The following DSCAM variants were observed in gnomAD, a reference collection of about 807,000 sequenced individuals.
DSCAM encodes the protein DS cell adhesion molecule.
A neutral mutation model predicts 217.7 loss-of-function variants in DSCAM; 47 were observed. The observed-to-expected ratio is 0.22, with a 90% confidence interval of 0.17 to 0.28. The LOEUF is 0.28. DSCAM is among the 10% of genes least tolerant of loss of function. The probability of loss-of-function intolerance (pLI) is 1.00; values close to 1 mark genes in which losing one functional copy is unlikely to be tolerated. For missense variants in DSCAM, 2,080 were observed against 2,618.3 expected, an observed-to-expected ratio of 0.79 and a Z score of 4.49; for synonymous variants, 1,056 against 1,015.3, an observed-to-expected ratio of 1.04 and a Z score of -0.76.
chr21:40,503,969 C>T (rs546294292), intron 3 of DSCAM, among the ~76,000 whole-genome samples: 1 of 152,312 alleles, frequency 6.6e-6, no homozygotes, highest in South Asian at 2.1e-4. Flanking sequence ...TGGAACCTCT[C>T]TTCCAGGCTT....
chr21:40,405,826 G>A (rs141056146), intron 3 of DSCAM, among the ~76,000 whole-genome samples: 31 of 152,128 alleles, frequency 2.0e-4, no homozygotes, highest in African/African-American at 7.0e-4. Flanking sequence ...GCGAAACCCC[G>A]TCTCTACTAA....
intron 30 of DSCAM, among the ~76,000 whole-genome samples, chr21:40,048,933 T>A (rs2088885007): frequency 1.3e-5 from 2 of 152,078 alleles, no homozygotes; most frequent in African/African-American, 4.8e-5. Flanking sequence ...CGGAGTGTTG[T>A]CAGTCCCTCA....
chr21:40,679,859 T>C (rs1188176064), intron 3 of DSCAM, among the ~76,000 whole-genome samples: 1 of 152,370 alleles, frequency 6.6e-6, no homozygotes, highest in African/African-American at 2.4e-5. Flanking sequence ...TTCTTCAGCA[T>C]ACCTTGCATT....
At chr21:40,160,454 A>C (rs925371002) in intron 16 of DSCAM, among the ~76,000 whole-genome samples, 1 of 152,204 alleles carries the variant, frequency 6.6e-6, no homozygotes, top group East Asian at 1.9e-4. Flanking sequence ...TTCAGTTTTC[A>C]CTATGAATAT....
At chr21:40,828,067 G>C (rs1017021069) in intron 1 of DSCAM, among the ~76,000 whole-genome samples, 3 of 152,106 alleles carry the variant, frequency 2.0e-5, no homozygotes, top group African/African-American at 7.2e-5. Context: ...ACAGAATGTT[G>C]ATATGCTGAG....
intron 3 of DSCAM, among the ~76,000 whole-genome samples, chr21:40,590,291 C>G (rs1049343990): frequency 1.3e-5 from 2 of 152,210 alleles, no homozygotes; most frequent in Admixed American, 1.3e-4. Context: ...CGAATATCCC[C>G]TATTTAGTGC....
At chr21:40,722,251 GC>G (rs1201934598) in intron 1 of DSCAM, among the ~76,000 whole-genome samples, 1 of 152,072 alleles carries the variant, frequency 6.6e-6, no homozygotes, top group African/African-American at 2.4e-5. Context: ...AAAATGTTAA[GC>G]ATGTGGGTGA....
intron 32 of DSCAM, among the ~76,000 whole-genome samples, chr21:40,014,676 G>A (rs1369707650): frequency 6.6e-6 from 1 of 152,082 alleles, no homozygotes; most frequent in Non-Finnish European, 1.5e-5. Context: ...CACAGGTGTC[G>A]GACCTCTGTT....
At chr21:40,582,006 A>C (rs1418204269) in intron 3 of DSCAM, among the ~76,000 whole-genome samples, 1 of 152,208 alleles carries the variant, frequency 6.6e-6, no homozygotes, top group Non-Finnish European at 1.5e-5. Flanking sequence ...GGAGATTAGC[A>C]AATACTAGTG....
intron 11 of DSCAM, among the ~76,000 whole-genome samples, chr21:40,219,986 A>G (rs986555964): frequency 6.6e-6 from 1 of 152,238 alleles, no homozygotes; most frequent in Non-Finnish European, 1.5e-5. Flanking sequence ...CAAAAAGAAA[A>G]CGGGAATCAA....
At chr21:40,138,786 ATGTGTATGTGTGGTATGTGTGGTG>A (rs1432900497) in intron 18 of DSCAM, among the ~76,000 whole-genome samples, 23 of 111,374 alleles carry the variant, frequency 2.1e-4, no homozygotes, top group South Asian at 6.4e-4. Context: ...TATGGGGGGT[ATGTGTATGTGTGGTATGTGTGGTG>A]TGTGTACGTG....
At chr21:40,251,016 T>C (rs1171671208) in intron 11 of DSCAM, among the ~76,000 whole-genome samples, 1 of 152,184 alleles carries the variant, frequency 6.6e-6, no homozygotes, top group Admixed American at 6.5e-5. Context: ...GTGGAGGCCT[T>C]TTTGCAGACT....
At chr21:40,840,049 T>C (rs1378655873) in intron 1 of DSCAM, among the ~76,000 whole-genome samples, 2 of 152,204 alleles carry the variant, frequency 1.3e-5, no homozygotes, top group South Asian at 2.1e-4. Flanking sequence ...GTTGATCACA[T>C]AGAACAAATA....
At chr21:40,679,519 G>A (rs566421608) in intron 3 of DSCAM, among the ~76,000 whole-genome samples, 2 of 152,270 alleles carry the variant, frequency 1.3e-5, no homozygotes, top group South Asian at 2.1e-4. Flanking sequence ...TGGGGTTGTC[G>A]AGAAGTTTTT....
At chr21:40,585,150 G>A (rs1418287747) in intron 3 of DSCAM, among the ~76,000 whole-genome samples, 1 of 149,664 alleles carries the variant, frequency 6.7e-6, no homozygotes, top group Non-Finnish European at 1.5e-5. Flanking sequence ...TTCTTGTGCA[G>A]CCTGTAGAAC....
At chr21:40,701,673 GAATTT>G (rs2090657892) in intron 2 of DSCAM, among the ~76,000 whole-genome samples, 1 of 141,028 alleles carries the variant, frequency 7.1e-6, no homozygotes, top group African/African-American at 2.9e-5. Context: ...ATTTTTTTCT[GAATTT>G]TTTTTTTTGA....
At chr21:40,287,513 G>A (rs1486255946) in intron 10 of DSCAM, among the ~76,000 whole-genome samples, 3 of 152,222 alleles carry the variant, frequency 2.0e-5, no homozygotes, top group Non-Finnish European at 4.4e-5. Flanking sequence ...TAAAGTAGGA[G>A]GGGACTCCAG....
rs546982485 is a variant in DSCAM, at chr21:40,765,519, G to GA, written c.44-56749dup. 3.7e-3 allele frequency among the ~76,000 whole-genome samples: 559 copies of GA among 152,124 alleles called. 3 individuals carry two copies. The highest frequency in any genetic ancestry group is 0.013 in the African/African-American group (527 of 41,494). On this transcript the variant is annotated intron_variant, in intron 1 of 32. Transcript: ENST00000400454. ...GTGATATTTCCATTCAAGGACCAAA[G>GA]AAAAAAAATTTTTTTAAACTTTGTT...
chr21:40,133,774 T>C (rs2090178565), intron 19 of DSCAM, 80 bp downstream of exon 19: 1 of 1,489,190 alleles, frequency 6.7e-7, no homozygotes, highest in Admixed American at 2.2e-5. Flanking sequence ...CCTGATGAAC[T>C]GCAGGGTAAA....
Sources: gnomAD v4.1 joint callset for allele counts (sites outside exome capture counted in the v4.1 genomes callset) on GRCh38, gnomAD v4.1.1 for gene constraint, MANE v1.5 for transcripts, NCBI Gene and HGNC (gene_info 2026-07-23, HGNC 2026-07-21) for gene names.